Variants in ARHGAP12 observed in about 807,000 individuals in gnomAD.
The protein encoded by ARHGAP12 is Rho GTPase activating protein 12.
A neutral mutation model predicts 108.6 loss-of-function variants in ARHGAP12; 64 were observed. The ratio of observed to expected loss-of-function variants is 0.59; its 90% confidence interval spans 0.48 to 0.73. The LOEUF (loss-of-function observed/expected upper bound fraction) is 0.73, where lower values mean the gene tolerates loss of function less well. Among genes scored for constraint, ARHGAP12 ranks in the 30% least tolerant of loss-of-function variants. The pLI is 0.00. For synonymous variants in ARHGAP12, 312 were observed against 337.2 expected (o/e 0.93, Z 0.82); for missense variants, 940 against 1,005.9 (o/e 0.93, Z 0.89).
At chr10:31,855,660 A>T (rs910164830) in intron 4 of ARHGAP12, among the ~76,000 whole-genome samples, 9 of 152,236 alleles carry the variant, frequency 5.9e-5, no homozygotes, top group Non-Finnish European at 1.3e-4. Context: ...GCAAGCTCAT[A>T]GACGAGAAGA....
intron 3 of ARHGAP12, among the ~76,000 whole-genome samples, chr10:31,905,381 C>T (rs982365298): frequency 3.9e-5 from 6 of 152,180 alleles, no homozygotes; most frequent in African/African-American, 1.4e-4. Context: ...CAAGCGCACA[C>T]TAAAATTCTT....
chr10:31,897,356 ACG>A (rs1838741954), intron 3 of ARHGAP12, among the ~76,000 whole-genome samples: 1 of 152,108 alleles, frequency 6.6e-6, no homozygotes, highest in Non-Finnish European at 1.5e-5. Context: ...ACAGCTCATG[ACG>A]CACACACACT....
intron 3 of ARHGAP12, among the ~76,000 whole-genome samples, chr10:31,872,407 T>C (rs112907683): frequency 0.013 from 1,921 of 152,216 alleles, 42 homozygotes; most frequent in African/African-American, 0.044. Context: ...CCTTCTTCCA[T>C]AACATACTAC....
rs1327672171 is a variant in ARHGAP12 at position 31,812,786 on chromosome 10, T to C, written c.1872A>G (p.Lys624=). The C allele has an allele frequency of 2.5e-6, 4 of 1,609,384 alleles. No individual in the cohort carries two copies. Among genetic ancestry groups the C allele is most frequent in the Admixed American group, 3.3e-5 (2 of 59,906 alleles). The change falls in exon 15 of 20, where the codon AAA becomes AAG. Residue 624 remains lysine, a synonymous_variant. Transcript: ENST00000344936. Reference sequence around the variant, plus strand: ...ACTTCTTTAAGTTTTTCTTGGTTTTTTTCTGTTCTGAAGAATCTATGCTAG... The same window carrying C: ...ACTTCTTTAAGTTTTTCTTGGTTTTCTTCTGTTCTGAAGAATCTATGCTAG... ...KVSSIDSSEQ[K]KTKKNLKKFL...
chr10:31,895,260 A>G (rs1217208762), intron 3 of ARHGAP12, among the ~76,000 whole-genome samples: 1 of 152,268 alleles, frequency 6.6e-6, no homozygotes, highest in Non-Finnish European at 1.5e-5. Flanking sequence ...GGATCGAATT[A>G]AACTAAAGAG....
At chr10:31,880,823 T>C (rs1173635547) in intron 3 of ARHGAP12, among the ~76,000 whole-genome samples, 2 of 151,920 alleles carry the variant, frequency 1.3e-5, no homozygotes, top group East Asian at 3.9e-4. Flanking sequence ...TCCCAGCACT[T>C]TGGGAGGCTG....
chr10:31,860,260 T>G (rs76108950), intron 4 of ARHGAP12, among the ~76,000 whole-genome samples: 1 of 152,214 alleles, frequency 6.6e-6, no homozygotes, highest in South Asian at 2.1e-4. Context: ...TGTTCCCTGA[T>G]TTTTCTAGAT....
chr10:31,877,656 T>C (rs975959609), intron 3 of ARHGAP12, among the ~76,000 whole-genome samples: 4 of 152,228 alleles, frequency 2.6e-5, no homozygotes, highest in East Asian at 1.9e-4. Context: ...TTTGATCCCA[T>C]TGTGTGCGTT....
intron 11 of ARHGAP12, 109 bp downstream of exon 11, chr10:31,826,195 C>A (rs1294080366): frequency 1.4e-6 from 1 of 731,882 alleles, no homozygotes; most frequent in Non-Finnish European, 2.1e-6. Context: ...TTTTTATTTG[C>A]ACACTAGCTA....
At chr10:31,900,724 G>A (rs1016577564) in intron 3 of ARHGAP12, among the ~76,000 whole-genome samples, 3 of 152,186 alleles carry the variant, frequency 2.0e-5, no homozygotes, top group African/African-American at 4.8e-5. Flanking sequence ...AGGATGTTAA[G>A]GTAGTAATTA....
chr10:31,927,028 A>G (rs949366602), intron 1 of ARHGAP12, among the ~76,000 whole-genome samples: 4 of 152,242 alleles, frequency 2.6e-5, no homozygotes, highest in Non-Finnish European at 5.9e-5. Context: ...GCGCATAAAT[A>G]TACATACACA....
intron 1 of ARHGAP12, among the ~76,000 whole-genome samples, chr10:31,922,538 G>A (rs1358460177): frequency 2.6e-5 from 4 of 151,542 alleles, no homozygotes; most frequent in African/African-American, 9.7e-5. Context: ...TGAATAGCTG[G>A]GACTACAGGT....
intron 4 of ARHGAP12, among the ~76,000 whole-genome samples, chr10:31,855,429 A>C (rs922609024): frequency 6.6e-6 from 1 of 152,214 alleles, no homozygotes; most frequent in African/African-American, 2.4e-5. Context: ...TGTATTTTCT[A>C]TCATCATAAT....
intron 11 of ARHGAP12, among the ~76,000 whole-genome samples, chr10:31,823,573 C>A (rs548097475): frequency 2.6e-5 from 4 of 152,146 alleles, no homozygotes; most frequent in African/African-American, 9.6e-5. Flanking sequence ...TTCATGAGTA[C>A]CTGCCCTGGA....
At chr10:31,824,428 T>C (rs190778144) in intron 11 of ARHGAP12, among the ~76,000 whole-genome samples, 101 of 152,310 alleles carry the variant, frequency 6.6e-4, no homozygotes, top group African/African-American at 2.3e-3. Context: ...AAATTTCAAA[T>C]TGGCTTGCTC....
chr10:31,916,105 C>T (rs1472471336), intron 1 of ARHGAP12, among the ~76,000 whole-genome samples: 1 of 152,138 alleles, frequency 6.6e-6, no homozygotes, highest in East Asian at 1.9e-4. Context: ...AAGCACAATA[C>T]TCCTGGAACT....
At chr10:31,821,272 TTAGC>T (rs1835407547) in intron 11 of ARHGAP12, among the ~76,000 whole-genome samples, 2 of 152,278 alleles carry the variant, frequency 1.3e-5, no homozygotes, top group Admixed American at 1.3e-4. Context: ...TCAGAAGTAC[TTAGC>T]TAGCTATTAT....
At chr10:31,809,860 A>G (rs906309714) in intron 16 of ARHGAP12, among the ~76,000 whole-genome samples, 1 of 152,138 alleles carries the variant, frequency 6.6e-6, no homozygotes, top group Non-Finnish European at 1.5e-5. Context: ...AATTCATACA[A>G]TTAAGCCCCG....
chr10:31,847,438 T>C (rs1004521738), intron 6 of ARHGAP12, among the ~76,000 whole-genome samples: 1 of 152,196 alleles, frequency 6.6e-6, no homozygotes, highest in African/African-American at 2.4e-5. Flanking sequence ...ATCTGCCCTG[T>C]TTGTGTGCTA....
Sources: allele counts gnomAD v4.1 joint callset (sites outside exome capture counted in the v4.1 genomes callset), GRCh38; gene constraint gnomAD v4.1.1; transcripts MANE v1.5; gene names NCBI Gene and HGNC (gene_info 2026-07-23, HGNC 2026-07-21).